Variants in GRIA1 observed in about 807,000 individuals in gnomAD.
The protein encoded by GRIA1 is glutamate ionotropic receptor AMPA type subunit 1.
GRIA1 carries 31 observed loss-of-function variants against 99.2 expected under a neutral mutation model. That is an observed-to-expected ratio of 0.31 (90% CI 0.23 to 0.42). The LOEUF (loss-of-function observed/expected upper bound fraction) is 0.42, where lower values mean the gene tolerates loss of function less well. Among genes scored for constraint, GRIA1 ranks in the 10% least tolerant of loss-of-function variants. The pLI, the probability that GRIA1 is intolerant of heterozygous loss-of-function variation, is 1.00. For synonymous variants in GRIA1, 438 were observed against 432.4 expected (o/e 1.01, Z -0.16); for missense variants, 782 against 1,157.5 (o/e 0.68, Z 4.71).
At chr5:153,633,355 T>G (rs1044428628) in intron 2 of GRIA1, among the ~76,000 whole-genome samples, 1 of 152,198 alleles carries the variant, frequency 6.6e-6, no homozygotes, top group Non-Finnish European at 1.5e-5. Flanking sequence ...CACTCCAGGA[T>G]AGTGAGAAAT....
chr5:153,600,746 T>C (rs1338729863), intron 2 of GRIA1, among the ~76,000 whole-genome samples: 3 of 152,170 alleles, frequency 2.0e-5, no homozygotes, highest in Non-Finnish European at 2.9e-5. Flanking sequence ...CTGCTAAAAA[T>C]TGATTTCAGA....
At chr5:153,726,515 G>C (rs1463027315) in intron 11 of GRIA1, among the ~76,000 whole-genome samples, 2 of 151,666 alleles carry the variant, frequency 1.3e-5, no homozygotes, top group Non-Finnish European at 2.9e-5. Context: ...AAGAAGAAAA[G>C]AGAGAAGAAT....
At chr5:153,605,264 A>G (rs796369457) in intron 2 of GRIA1, among the ~76,000 whole-genome samples, 3 of 152,206 alleles carry the variant, frequency 2.0e-5, no homozygotes, top group African/African-American at 7.2e-5. Flanking sequence ...GTATGTATTT[A>G]TGTGTGTATC....
intron 15 of GRIA1, among the ~76,000 whole-genome samples, chr5:153,805,362 G>A (rs930049157): frequency 6.6e-6 from 1 of 152,144 alleles, no homozygotes; most frequent in Non-Finnish European, 1.5e-5. Context: ...CTGAGAGTAA[G>A]TATTAGTAAA....
At chr5:153,689,398 A>G (rs1757577318) in intron 8 of GRIA1, among the ~76,000 whole-genome samples, 1 of 152,224 alleles carries the variant, frequency 6.6e-6, no homozygotes, top group East Asian at 1.9e-4. Context: ...TATTTCCTGG[A>G]TAGAACAAAT....
chr5:153,775,043 A>T (rs1162137369), intron 13 of GRIA1, among the ~76,000 whole-genome samples: 1 of 152,222 alleles, frequency 6.6e-6, no homozygotes, highest in Non-Finnish European at 1.5e-5. Flanking sequence ...CAGGTTGTAG[A>T]TAAAGACCTA....
At chr5:153,774,605 G>A (rs1051702331) in intron 13 of GRIA1, among the ~76,000 whole-genome samples, 10 of 152,168 alleles carry the variant, frequency 6.6e-5, no homozygotes, top group African/African-American at 2.4e-4. Context: ...GACCTTTCTG[G>A]CTGTCCTCCT....
intron 10 of GRIA1, among the ~76,000 whole-genome samples, chr5:153,701,619 C>CAATAA: frequency 2.5e-5 from 1 of 39,414 alleles, no homozygotes; most frequent in South Asian, 2.0e-3. Flanking sequence ...AGACCCGTCT[C>CAATAA]AAAAAAAAAA....
intron 2 of GRIA1, among the ~76,000 whole-genome samples, chr5:153,534,692 C>A (rs1758400797): frequency 6.6e-6 from 1 of 152,164 alleles, no homozygotes; most frequent in Non-Finnish European, 1.5e-5. Context: ...GTCATCATTA[C>A]CAGCTGTGTG....
chr5:153,614,466 G>A lies in GRIA1; in HGVS notation c.221-32462G>A, dbSNP rs138674391. On this transcript the variant is annotated intron_variant, in intron 2 of 15. Transcript: ENST00000285900. Reference sequence around the variant, plus strand: ...ATTTAATACTTACAACAATTATCCCGTAAAGTAGGTGTGATTATTATCCCC... The same window carrying A: ...ATTTAATACTTACAACAATTATCCCATAAAGTAGGTGTGATTATTATCCCC... Among the ~76,000 whole-genome samples, 378 of 152,236 alleles carry A rather than the reference G, an allele frequency of 2.5e-3. 4 individuals are homozygous for A. The highest frequency in any genetic ancestry group is 8.7e-3 in the African/African-American group (362 of 41,532).
intron 2 of GRIA1, among the ~76,000 whole-genome samples, chr5:153,626,444 C>CTGTGTGTGTGTGTGTGTGTGTGTGTG (rs3036985): frequency 3.5e-5 from 5 of 142,340 alleles, no homozygotes; most frequent in Non-Finnish European, 6.1e-5. Flanking sequence ...GTGTGTGTGT[C>CTGTGTGTGTGTGTGTGTGTGTGTGTG]TGTGTGTGTG....
At chr5:153,735,086 C>G (rs2149564732) in intron 11 of GRIA1, among the ~76,000 whole-genome samples, 1 of 152,182 alleles carries the variant, frequency 6.6e-6, no homozygotes, top group East Asian at 1.9e-4. Flanking sequence ...TGACAGGTCC[C>G]CACCACAAAG....
At chr5:153,726,206 C>A (rs559071982) in intron 11 of GRIA1, among the ~76,000 whole-genome samples, 3,410 of 150,758 alleles carry the variant, frequency 0.023, 61 homozygotes, top group Non-Finnish European at 0.038. Context: ...AACAAAGACA[C>A]AACATACCAG....
chr5:153,538,079 G>C (rs1416299181), intron 2 of GRIA1, among the ~76,000 whole-genome samples: 1 of 152,152 alleles, frequency 6.6e-6, no homozygotes, highest in Non-Finnish European at 1.5e-5. Context: ...CCTATGTGAT[G>C]GTGGAAGATA....
chr5:153,615,617 T>A (rs1766422751), intron 2 of GRIA1, among the ~76,000 whole-genome samples: 1 of 152,178 alleles, frequency 6.6e-6, no homozygotes, highest in Non-Finnish European at 1.5e-5. Flanking sequence ...ACATACCAGC[T>A]TGGGCAACAA....
At chr5:153,493,624 G>A (rs1754131709) in intron 1 of GRIA1, among the ~76,000 whole-genome samples, 1 of 152,198 alleles carries the variant, frequency 6.6e-6, no homozygotes, top group Non-Finnish European at 1.5e-5. Flanking sequence ...GTTTGCACAA[G>A]GGAGGAAGAA....
rs562372158 is a variant in GRIA1 at position 153,613,843 on chromosome 5, C to G, written c.221-33085C>G. ...GCCAGAAAGGAAACCATGTGCCATC[C>G]CAGGCTTTCCTTGGCCCTTAGGCAA... On this transcript the variant is annotated intron_variant, in intron 2 of 15. Coordinates refer to ENST00000285900, the MANE Select transcript of GRIA1 (RefSeq NM_000827.4). 3.3e-5 allele frequency among the ~76,000 whole-genome samples: 5 copies of G among 152,284 alleles called. 1 individual carries two copies. Among genetic ancestry groups the G allele is most frequent in the African/African-American group, 1.2e-4 (5 of 41,546 alleles).
chr5:153,594,165 A>G (rs1346327515), intron 2 of GRIA1, among the ~76,000 whole-genome samples: 1 of 152,122 alleles, frequency 6.6e-6, no homozygotes, highest in Non-Finnish European at 1.5e-5. Context: ...TTTTGTCTCT[A>G]AAGTTCTAAC....
At chr5:153,693,243 G>A (rs964621668) in intron 8 of GRIA1, among the ~76,000 whole-genome samples, 3 of 152,128 alleles carry the variant, frequency 2.0e-5, no homozygotes, top group African/African-American at 7.2e-5. Context: ...TAGAAGAGAT[G>A]CACATCACTT....
Sources: allele counts gnomAD v4.1 joint callset (sites outside exome capture counted in the v4.1 genomes callset), GRCh38; gene constraint gnomAD v4.1.1; transcripts MANE v1.5; gene names NCBI Gene and HGNC (gene_info 2026-07-23, HGNC 2026-07-21).